FRG1: variants seen among roughly 807,000 people sequenced by gnomAD.
FRG1 encodes the protein protein FRG1.
In FRG1, 19 loss-of-function variants were observed where a neutral mutation model predicts 37.0. The observed-to-expected ratio is 0.51, with a 90% CI of 0.36 to 0.75. FRG1 has a LOEUF of 0.75. FRG1 is among the 30% of genes least tolerant of loss of function. The pLI, the probability that FRG1 is intolerant of heterozygous loss-of-function variation, is 0.00. For synonymous variants in FRG1, 73 were observed against 96.5 expected (o/e 0.76, Z 1.43); for missense variants, 243 against 301.4 (o/e 0.81, Z 1.44).
At chr4:189,955,384 T>C (rs1354574098) in intron 5 of FRG1, among the ~76,000 whole-genome samples, 3 of 152,228 alleles carry the variant, frequency 2.0e-5, no homozygotes, top group South Asian at 4.1e-4. Flanking sequence ...TGCCTAGATA[T>C]GGATCTCATT....
intron 6 of FRG1, among the ~76,000 whole-genome samples, chr4:189,958,990 G>A (rs75030964): frequency 2.6e-5 from 4 of 151,574 alleles, no homozygotes; most frequent in Non-Finnish European, 5.9e-5. Context: ...GTAAGGCATT[G>A]TGGGGGCCAG....
At chr4:189,959,684 T>C (rs1325078697) in intron 6 of FRG1, among the ~76,000 whole-genome samples, 2 of 152,254 alleles carry the variant, frequency 1.3e-5, no homozygotes, top group Admixed American at 6.5e-5. Flanking sequence ...TTTGCACTTA[T>C]ACAAAGATAC....
chr4:189,955,622 A>G (rs1481503705), intron 5 of FRG1, among the ~76,000 whole-genome samples: 1 of 152,246 alleles, frequency 6.6e-6, no homozygotes, highest in African/African-American at 2.4e-5. Context: ...TTAAAATAGC[A>G]TACGAAAAGA....
chr4:189,945,010 ATTC>A (rs1173774400), intron 2 of FRG1, among the ~76,000 whole-genome samples: 15 of 152,136 alleles, frequency 9.9e-5, no homozygotes, highest in Non-Finnish European at 2.9e-5. Flanking sequence ...TTAAACATTT[ATTC>A]TTAAGTATTT....
intron 8 of FRG1, among the ~76,000 whole-genome samples, chr4:189,962,322 TAAAC>T (rs1737271787): frequency 6.6e-6 from 1 of 151,684 alleles, no homozygotes; most frequent in Admixed American, 6.6e-5. Context: ...GTATAAAAGC[TAAAC>T]AAGTGAAATT....
intron 2 of FRG1, among the ~76,000 whole-genome samples, chr4:189,945,651 G>GTT (rs1162942359): frequency 3.6e-3 from 512 of 140,866 alleles, no homozygotes; most frequent in Admixed American, 4.8e-3. Context: ...CTAGGTGTTT[G>GTT]TGTTTTTTGT....
intron 2 of FRG1, 31 bp from the exon 3 acceptor site, chr4:189,952,131 A>G: frequency 6.7e-7 from 1 of 1,488,228 alleles, no homozygotes; most frequent in Non-Finnish European, 9.1e-7. Context: ...AAACTAAAAT[A>G]TAAAGTTGAA....
At chr4:189,956,945 A>T (rs1406186741) in intron 5 of FRG1, among the ~76,000 whole-genome samples, 1 of 152,248 alleles carries the variant, frequency 6.6e-6, no homozygotes, top group Non-Finnish European at 1.5e-5. Context: ...TCAGACATTG[A>T]TTCTTAAATT....
chr4:189,962,519 G>T (rs1737280024), intron 8 of FRG1, among the ~76,000 whole-genome samples: 1 of 152,096 alleles, frequency 6.6e-6, no homozygotes, highest in Non-Finnish European at 1.5e-5. Flanking sequence ...ATAATCACCA[G>T]CCGCTCATTC....
At position 189,942,067 on chromosome 4, in the gene FRG1, T is replaced by A. The variant is rs139034245; in HGVS notation, c.62+996T>A. 1,075 of 193,678 alleles carry A rather than the reference T, an allele frequency of 5.6e-3. 9 individuals are homozygous for A. Among genetic ancestry groups the A allele is most frequent in the African/African-American group, 0.024 (1,012 of 42,204 alleles). The allele number at this position is 193,678 out of a possible 1,614,324, so 12.0% of individuals were successfully genotyped here. ...ATTTCCTGGGAGGAGAGGAGAGTTA[T>A]CTTCTGAAAACTTTATAATGAAAAT... On this transcript the variant is annotated intron_variant, in intron 1 of 8. Coordinates refer to ENST00000226798, the MANE Select transcript of FRG1 (RefSeq NM_004477.3).
chr4:189,952,419 T>G, intron 3 of FRG1, 132 bp downstream of exon 3: 1 of 779,006 alleles, frequency 1.3e-6, no homozygotes, highest in Non-Finnish European at 2.1e-6. Flanking sequence ...TTCCATTTTT[T>G]TTTAATTCCT....
chr4:189,950,082 G>T (rs1254043231), intron 2 of FRG1, among the ~76,000 whole-genome samples: 3 of 152,050 alleles, frequency 2.0e-5, no homozygotes, highest in African/African-American at 7.2e-5. Flanking sequence ...TATTCTAATG[G>T]GTGTGAAGTG....
chr4:189,950,073 A>C (rs1314192698), intron 2 of FRG1, among the ~76,000 whole-genome samples: 1 of 151,944 alleles, frequency 6.6e-6, no homozygotes. Flanking sequence ...GATAATAGCT[A>C]TTCTAATGGG....
chr4:189,946,038 G>T (rs1020449557), intron 2 of FRG1, among the ~76,000 whole-genome samples: 1 of 152,112 alleles, frequency 6.6e-6, no homozygotes, highest in African/African-American at 2.4e-5. Flanking sequence ...GCATAGAATT[G>T]TTCAGAATAT....
Position 189,960,812 on chromosome 4 carries a change from A to G in FRG1, c.602A>G (p.Asn201Ser). Residue 201 changes from asparagine (N) to serine (S), a missense_variant, in exon 7 of 9, where the codon AAT (asparagine) becomes AGT (serine). By Grantham distance (46) the Asn-to-Ser change is conservative. Transcript: ENST00000226798. ...KDDIPEEDKG[N>S]VKQCEINYVK... ...GACATTCCAGAAGAAGACAAAGGAA[A>G]TGTAAAACAATGTGAAATCAATTAT... 8 of 1,608,716 alleles carry G rather than the reference A, an allele frequency of 5.0e-6. No homozygotes were observed. The highest frequency in any genetic ancestry group is 5.9e-6 in the Non-Finnish European group (7 of 1,178,846).
chr4:189,943,267 T>A lies in FRG1; in HGVS notation c.128T>A (p.Ile43Asn). 6.2e-7 allele frequency: 1 copy of A among 1,607,478 alleles called. No homozygotes were observed. Among genetic ancestry groups the A allele is most frequent in the South Asian group, 1.1e-5 (1 of 89,136 alleles). The change falls in exon 2 of 9, where the codon ATT becomes AAT. Residue 43 changes from isoleucine (I) to asparagine (N), a missense_variant. By Grantham distance (149) the Ile-to-Asn change is moderately radical. Coordinates refer to ENST00000226798, the MANE Select transcript of FRG1 (RefSeq NM_004477.3). ...GAAGATGAAGAAACCCAGCTTGATA[T>A]TGTTGGTGAGTCAGTTTTCAGTGCT... ...REEDEETQLD[I>N]VGIWWTVTNF...
In FRG1 at chr4:189,942,997, C is replaced by T. The variant is rs140809069; in HGVS notation, c.63-205C>T. On this transcript the variant is annotated intron_variant, in intron 1 of 8. Transcript: ENST00000226798. ...TTTAAAATCTGGCAGTGTGGCTCTA[C>T]AATCTGCTTTGAACTCTAACGTAAT... Among the ~76,000 whole-genome samples, 1,415 of 152,294 alleles carry T rather than the reference C, an allele frequency of 9.3e-3. 31 individuals carry two copies. Among genetic ancestry groups the T allele is most frequent in the African/African-American group, 0.032 (1,336 of 41,562 alleles).
rs1190070143 is a variant in FRG1 at position 189,954,936 on chromosome 4, TA to T, written c.318-100del. On this transcript the variant is annotated intron_variant, in intron 4 of 8. Transcript: ENST00000226798. ...TTGGAATATGTGCAGTCTGAAATTT[TA>T]GATATGTACACAGCCACACACATAC... 37 of 667,784 alleles carry T rather than the reference TA, an allele frequency of 5.5e-5. No individual in the cohort carries two copies. The African/African-American group carries it at 6.7e-4, about 12-fold the overall frequency. The allele number at this position is 667,784 out of a possible 1,614,324, so 41.4% of individuals were successfully genotyped here.
In FRG1 at chr4:189,961,951, A is replaced by C. The variant is rs371693477; in HGVS notation, c.740+19A>C. On this transcript the variant is annotated intron_variant, in intron 8 of 8. Transcript: ENST00000226798. ...TGGACAGGTAGCTATTTATTTACTT[A>C]TTTCCACTATTTTCAGTAGCCAATA... The C allele has an allele frequency of 1.6e-6, 2 of 1,284,272 alleles. No homozygotes were observed. Among genetic ancestry groups the C allele is most frequent in the East Asian group, 4.9e-5 (2 of 41,080 alleles). 79.6% of individuals were successfully genotyped at this position (1,284,272 alleles called of 1,614,324 possible).
Sources: allele counts gnomAD v4.1 joint callset (sites outside exome capture counted in the v4.1 genomes callset), GRCh38; gene constraint gnomAD v4.1.1; transcripts MANE v1.5; gene names NCBI Gene and HGNC (gene_info 2026-07-23, HGNC 2026-07-21).